CLVS1: variants seen among roughly 807,000 people sequenced by gnomAD.
CLVS1 encodes clavesin 1, also known as clavesin-1.
Under a neutral mutation model 33.1 loss-of-function variants are expected in CLVS1, and 10 were observed. That is an observed-to-expected ratio of 0.30 (90% CI 0.19 to 0.51). CLVS1 has a LOEUF of 0.51. CLVS1 is among the 20% of genes least tolerant of loss of function. The probability of loss-of-function intolerance (pLI) is 0.97; values close to 1 mark genes in which losing one functional copy is unlikely to be tolerated. For synonymous variants in CLVS1, 163 were observed against 166.1 expected, an observed-to-expected ratio of 0.98 and a Z score of 0.14; for missense variants, 343 against 433.4, an observed-to-expected ratio of 0.79 and a Z score of 1.85.
Position 61,129,344 on chromosome 8 carries a change from G to T in CLVS1, c.-242-2426G>T, listed in dbSNP as rs554149063. ...GTACACTGATTTGGGCACCTGCTGT[G>T]CAGCTATGAAGTAGAGCTCCTGGTT... On this transcript the variant is annotated intron_variant, in intron 1 of 2. Transcript: ENST00000522621. Among the ~76,000 whole-genome samples the T allele has an allele frequency of 1.1e-4, 16 of 152,328 alleles. No homozygotes were observed. The East Asian group carries it at 3.1e-3, about 29-fold the overall frequency.
At chr8:61,489,991 C>A (rs370251759) in intron 5 of CLVS1, among the ~76,000 whole-genome samples, 1 of 152,278 alleles carries the variant, frequency 6.6e-6, no homozygotes, top group South Asian at 2.1e-4. Context: ...TTAAGTAGCA[C>A]GTGGCAGCTC....
Position 61,072,549 on chromosome 8 carries a change from A to G in CLVS1, c.-243+15319A>G, listed in dbSNP as rs973658185. On this transcript the variant is annotated intron_variant, in intron 1 of 2. Transcript: ENST00000522621. The stretch of plus-strand genomic sequence containing the variant: ...ACAAACCTTACTTAAAAGAAAAGCA[A>G]CGAAAGATGCATTCTAAACAGATGC... Among the ~76,000 whole-genome samples, 85 of 152,356 alleles carry G rather than the reference A, an allele frequency of 5.6e-4. 1 individual carries two copies. Among genetic ancestry groups the G allele is most frequent in the African/African-American group, 1.9e-3 (80 of 41,600 alleles).
chr8:61,431,170 A>G (rs1027152030), intron 3 of CLVS1, among the ~76,000 whole-genome samples: 1 of 152,124 alleles, frequency 6.6e-6, no homozygotes, highest in African/African-American at 2.4e-5. Flanking sequence ...TAAGTCCAAA[A>G]CTTCCTCATG....
At chr8:61,304,411 C>A (rs1810542914) in intron 2 of CLVS1, among the ~76,000 whole-genome samples, 1 of 152,192 alleles carries the variant, frequency 6.6e-6, no homozygotes, top group African/African-American at 2.4e-5. Context: ...CAGCAGAGAG[C>A]TAACTGACTT....
chr8:61,093,689 G>C (rs6988682), intron 1 of CLVS1, among the ~76,000 whole-genome samples: 1 of 152,046 alleles, frequency 6.6e-6, no homozygotes, highest in Non-Finnish European at 1.5e-5. Context: ...GATCTTCGTT[G>C]ACTTTTCTTT....
At chr8:61,082,989 A>G (rs1805050291) in intron 1 of CLVS1, among the ~76,000 whole-genome samples, 1 of 4,270 alleles carries the variant, frequency 2.3e-4, no homozygotes, top group Non-Finnish European at 3.3e-4. Context: ...TGTCTTAAAC[A>G]TAAAAAAAAA....
rs566779958 is a variant in CLVS1 at position 61,260,773 on chromosome 8, T to C, written c.-151-38904T>C. Among the ~76,000 whole-genome samples, 3 of 152,316 alleles carry C rather than the reference T, an allele frequency of 2.0e-5. No homozygotes were observed. In the South Asian group the frequency reaches 6.2e-4, roughly 32 times the overall value. On this transcript the variant is annotated intron_variant, in intron 2 of 2. Transcript: ENST00000522621. ...GTTTCCATTTTCTGTTACCCTAACT[T>C]GATAAGGGTCAGCTCCCCAGAGGAA... is the stretch of plus-strand genomic sequence containing the variant.
At chr8:61,409,310 G>A (rs887849431) in intron 3 of CLVS1, among the ~76,000 whole-genome samples, 1 of 151,944 alleles carries the variant, frequency 6.6e-6, no homozygotes, top group African/African-American at 2.4e-5. Flanking sequence ...GTTTATTTGT[G>A]TTACATAAAC....
intron 2 of CLVS1, among the ~76,000 whole-genome samples, chr8:61,241,966 A>AT (rs1808705891): frequency 6.6e-6 from 1 of 151,160 alleles, no homozygotes; most frequent in African/African-American, 2.4e-5. Context: ...CTTTAAACGT[A>AT]TTTTTACAGT....
chr8:61,187,738 T>A (rs978084363), intron 2 of CLVS1, among the ~76,000 whole-genome samples: 3 of 150,846 alleles, frequency 2.0e-5, no homozygotes, highest in Non-Finnish European at 4.4e-5. Context: ...ATTAAATATA[T>A]GATAATTTAT....
chr8:61,033,874 ATG>A, the CLVS1 span, among the ~76,000 whole-genome samples: 1 of 152,252 alleles, frequency 6.6e-6, no homozygotes, highest in South Asian at 2.1e-4. Flanking sequence ...AGAGAGACTG[ATG>A]TTTAAACTCT....
At chr8:61,430,985 A>G (rs1028712526) in intron 3 of CLVS1, among the ~76,000 whole-genome samples, 3 of 152,238 alleles carry the variant, frequency 2.0e-5, no homozygotes, top group Non-Finnish European at 4.4e-5. Context: ...CTAATTTTAA[A>G]AAGGAGACAA....
At chr8:61,063,404 T>C (rs1804621685) in intron 1 of CLVS1, among the ~76,000 whole-genome samples, 1 of 152,052 alleles carries the variant, frequency 6.6e-6, no homozygotes, top group African/African-American at 2.4e-5. Flanking sequence ...GAAGGTATTT[T>C]CCAGCTGGAG....
intron 2 of CLVS1, among the ~76,000 whole-genome samples, chr8:61,368,370 G>A (rs1161265205): frequency 6.6e-6 from 1 of 152,204 alleles, no homozygotes; most frequent in Non-Finnish European, 1.5e-5. Flanking sequence ...GAGTGGTCTG[G>A]AGAAACACGG....
the CLVS1 span, among the ~76,000 whole-genome samples, chr8:60,968,424 G>A: frequency 6.6e-6 from 1 of 151,742 alleles, no homozygotes; most frequent in African/African-American, 2.4e-5. Flanking sequence ...GCTGAGGCAG[G>A]AGAATCGCTT....
intron 2 of CLVS1, among the ~76,000 whole-genome samples, chr8:61,162,412 A>G (rs777630405): frequency 6.6e-6 from 1 of 152,356 alleles, no homozygotes; most frequent in East Asian, 1.9e-4. Context: ...CATAGCTGGC[A>G]GGATACCAAA....
intron 5 of CLVS1, among the ~76,000 whole-genome samples, chr8:61,489,415 T>G (rs750421695): frequency 2.6e-5 from 4 of 152,224 alleles, no homozygotes; most frequent in Non-Finnish European, 4.4e-5. Flanking sequence ...CAACTTACTG[T>G]GGAATCTTGC....
chr8:61,367,725 T>G (rs1458120656), intron 2 of CLVS1, among the ~76,000 whole-genome samples: 1 of 152,230 alleles, frequency 6.6e-6, no homozygotes, highest in African/African-American at 2.4e-5. Flanking sequence ...ACACAGAGAT[T>G]AAGTTACTTG....
At chr8:61,009,186 T>C in the CLVS1 span, among the ~76,000 whole-genome samples, 1 of 152,142 alleles carries the variant, frequency 6.6e-6, no homozygotes, top group Non-Finnish European at 1.5e-5. Context: ...TTTTTTTTTT[T>C]CTGAGATAGA....
Sources: allele counts gnomAD v4.1 joint callset (sites outside exome capture counted in the v4.1 genomes callset), GRCh38; gene constraint gnomAD v4.1.1; transcripts MANE v1.5; gene names NCBI Gene and HGNC (gene_info 2026-07-23, HGNC 2026-07-21).